APLP2: variants seen among roughly 807,000 people sequenced by gnomAD.
APLP2 encodes the protein CDEI box-binding protein.
In APLP2, 53 loss-of-function variants were observed where a neutral mutation model predicts 89.9. That is an observed-to-expected ratio of 0.59 (90% CI 0.47 to 0.74). The LOEUF (loss-of-function observed/expected upper bound fraction) is 0.74. Among genes scored for constraint, APLP2 ranks in the 30% least tolerant of loss-of-function variants. The pLI is 0.00. For missense variants in APLP2, 973 were observed against 975.9 expected (o/e 1.00, Z 0.04); for synonymous variants, 372 against 348.6 (o/e 1.07, Z -0.75).
intron 1 of APLP2, among the ~76,000 whole-genome samples, chr11:130,088,213 C>T (rs1167651883): frequency 1.3e-5 from 2 of 152,128 alleles, no homozygotes; most frequent in Admixed American, 1.3e-4. Flanking sequence ...ATCTGTAAGT[C>T]ATCAAAGGAA....
chr11:130,118,603 A>T (rs1949481881), intron 3 of APLP2, among the ~76,000 whole-genome samples: 1 of 152,226 alleles, frequency 6.6e-6, no homozygotes, highest in African/African-American at 2.4e-5. Flanking sequence ...ACATTAAACC[A>T]TGTGAGTTGG....
At chr11:130,084,138 C>T (rs192311241) in intron 1 of APLP2, among the ~76,000 whole-genome samples, 15 of 151,816 alleles carry the variant, frequency 9.9e-5, no homozygotes, top group Admixed American at 2.6e-4. Flanking sequence ...CCCAGCTACT[C>T]GGGAGGCTGA....
intron 11 of APLP2, among the ~76,000 whole-genome samples, chr11:130,133,097 CT>C (rs1362821578): frequency 1.3e-5 from 2 of 150,206 alleles, no homozygotes; most frequent in Non-Finnish European, 1.5e-5. Context: ...CAGATAAATT[CT>C]CATGTCAGCT....
intron 3 of APLP2, among the ~76,000 whole-genome samples, chr11:130,114,870 T>TC (rs1948993216): frequency 6.6e-6 from 1 of 152,224 alleles, no homozygotes; most frequent in Non-Finnish European, 1.5e-5. Context: ...TGAGGTGCTG[T>TC]CTTCTGCATT....
In APLP2 at chr11:130,123,830, G is replaced by A. The variant is rs376905429; in HGVS notation, c.1090+51G>A. 26 of 1,590,624 alleles carry A rather than the reference G, an allele frequency of 1.6e-5. No homozygotes were observed. The African/African-American group carries it at 1.9e-4, about 11-fold the overall frequency. The stretch of plus-strand genomic sequence containing the variant: ...GTGCGGCAGCACCGTCCTGTCTGGC[G>A]TCCGTCTCCCTGCCGTCTTCGTGGC... On this transcript the variant is annotated intron_variant, in intron 7 of 16. Coordinates refer to ENST00000338167, the MANE Select transcript of APLP2 (RefSeq NM_001142276.2). This position sits in a 1 kb window ranked among gnomAD's most constrained non-coding sequence, Gnocchi z 4.0.
In APLP2 at chr11:130,102,361, C is replaced by G. The variant is rs139970199; in HGVS notation, c.106-7068C>G. On this transcript the variant is annotated intron_variant, in intron 1 of 16. Coordinates refer to ENST00000338167, the MANE Select transcript of APLP2 (RefSeq NM_001142276.2). Reference sequence around the variant, plus strand: ...AGATGCCTCGAAGGCCTGCTTCATTCCGCGTTTATTAGAACTAGAACTGTG... The same window carrying G: ...AGATGCCTCGAAGGCCTGCTTCATTGCGCGTTTATTAGAACTAGAACTGTG... Among the ~76,000 whole-genome samples the G allele has an allele frequency of 6.6e-5, 10 of 152,314 alleles. No homozygotes were observed. In the East Asian group the frequency reaches 1.7e-3, roughly 26 times the overall value.
intron 3 of APLP2, among the ~76,000 whole-genome samples, chr11:130,115,817 T>C (rs1005398106): frequency 3.3e-5 from 5 of 152,198 alleles, no homozygotes; most frequent in Non-Finnish European, 7.3e-5. Context: ...AGCAATGAAA[T>C]GATAGAGCGG....
intron 13 of APLP2, chr11:130,138,753 A>ATT (rs34571431): frequency 1.6e-4 from 20 of 124,770 alleles, no homozygotes; most frequent in African/African-American, 4.1e-4. Context: ...CCTCGGCTAA[A>ATT]TTTTTTTTTT....
At chr11:130,116,722 T>G (rs1406238049) in intron 3 of APLP2, among the ~76,000 whole-genome samples, 1 of 152,082 alleles carries the variant, frequency 6.6e-6, no homozygotes, top group Admixed American at 6.5e-5. Context: ...TCCACCTGCC[T>G]CAGCCTCATA....
chr11:130,117,333 T>G (rs1343254524), intron 3 of APLP2, among the ~76,000 whole-genome samples: 1 of 152,244 alleles, frequency 6.6e-6, no homozygotes, highest in Non-Finnish European at 1.5e-5. Flanking sequence ...ACTTTAATTC[T>G]GAAATATTAC....
chr11:130,097,887 G>A (rs1946417246), intron 1 of APLP2, among the ~76,000 whole-genome samples: 1 of 152,182 alleles, frequency 6.6e-6, no homozygotes, highest in African/African-American at 2.4e-5. Flanking sequence ...AAAGGTAGAA[G>A]ATAATGTTAG....
intron 1 of APLP2, among the ~76,000 whole-genome samples, chr11:130,074,404 C>T (rs1355801794): frequency 2.0e-5 from 3 of 152,092 alleles, no homozygotes; most frequent in African/African-American, 4.8e-5. Flanking sequence ...TTAGTAGAGA[C>T]AGGGTTTCAC....
Position 130,120,800 on chromosome 11 carries a change from G to A in APLP2, c.498G>A (p.Trp166Ter). The change falls in exon 4 of 17, where the codon TGG becomes TGA. Residue 166 changes from tryptophan to a stop codon, truncating the protein, a stop_gained. Coordinates refer to ENST00000338167, the MANE Select transcript of APLP2 (RefSeq NM_001142276.2). LOFTEE classifies it high-confidence loss of function. ...RMEVCENHQH[W>*]HTVVKEACLT... ...AGGTGTGTGAGAATCACCAGCACTG[G>A]CACACGGTAGTCAAAGAGGTAAGAG... The A allele has an allele frequency of 6.2e-7, 1 of 1,613,584 alleles. No homozygotes were observed. The highest frequency in any genetic ancestry group is 8.5e-7 in the Non-Finnish European group (1 of 1,179,616).
chr11:130,113,811 T>C (rs1948863309), intron 3 of APLP2, among the ~76,000 whole-genome samples: 1 of 152,214 alleles, frequency 6.6e-6, no homozygotes, highest in Non-Finnish European at 1.5e-5. Flanking sequence ...TTAAAAATAA[T>C]TTCAAATTTA....
At chr11:130,086,033 T>C (rs1944056953) in intron 1 of APLP2, among the ~76,000 whole-genome samples, 1 of 152,274 alleles carries the variant, frequency 6.6e-6, no homozygotes, top group Non-Finnish European at 1.5e-5. Context: ...GAGTCCCTGC[T>C]TTCAGTTCTT....
intron 1 of APLP2, among the ~76,000 whole-genome samples, chr11:130,099,079 A>G (rs1946574279): frequency 6.6e-6 from 1 of 152,148 alleles, no homozygotes. Context: ...GTGAGTTCAA[A>G]TGTTAAGCCC....
intron 11 of APLP2, among the ~76,000 whole-genome samples, chr11:130,130,518 T>C (rs1378913804): frequency 6.6e-6 from 1 of 152,254 alleles, no homozygotes; most frequent in African/African-American, 2.4e-5. Context: ...TTGTGCAGTA[T>C]AGTTTTTGTT....
intron 3 of APLP2, among the ~76,000 whole-genome samples, chr11:130,115,233 G>T (rs1171297016): frequency 3.3e-5 from 5 of 151,822 alleles, no homozygotes; most frequent in African/African-American, 1.2e-4. Flanking sequence ...AATTTTTGTG[G>T]GTATATAGTA....
At chr11:130,077,587 A>G (rs1375320201) in intron 1 of APLP2, among the ~76,000 whole-genome samples, 2 of 151,238 alleles carry the variant, frequency 1.3e-5, no homozygotes, top group East Asian at 3.9e-4. Flanking sequence ...TTGAATCTTA[A>G]CATTTCTCAT....
Sources: allele counts gnomAD v4.1 joint callset (sites outside exome capture counted in the v4.1 genomes callset), GRCh38; gene constraint gnomAD v4.1.1; non-coding constraint Gnocchi (gnomAD v3.1); transcripts MANE v1.5; gene names NCBI Gene and HGNC (gene_info 2026-07-23, HGNC 2026-07-21).